Variants in KDM6A observed in about 807,000 individuals in gnomAD.
The protein encoded by KDM6A is lysine-specific demethylase 6A.
A neutral mutation model predicts 117.6 loss-of-function variants in KDM6A; 11 were observed. The ratio of observed to expected loss-of-function variants is 0.09; its 90% CI spans 0.06 to 0.15. The LOEUF is 0.15. Ranked by LOEUF, KDM6A falls within the 10% of genes least tolerant of loss-of-function variation. The probability of loss-of-function intolerance (pLI) is 1.00; values close to 1 mark genes in which losing one functional copy is unlikely to be tolerated. For synonymous variants in KDM6A, 384 were observed against 396.1 expected, an observed-to-expected ratio of 0.97 and a Z score of 0.36; for missense variants, 799 against 1,077.3, an observed-to-expected ratio of 0.74 and a Z score of 3.62.
intron 4 of KDM6A, among the ~76,000 whole-genome samples, chrX:44,998,333 G>A (rs1234788465): frequency 2.7e-5 from 3 of 111,679 alleles, no homozygotes; most frequent in Non-Finnish European, 5.6e-5. Flanking sequence ...GAGAAGAGGT[G>A]AGAGAGGAAA....
At chrX:44,961,586 A>C (rs183060470) in intron 3 of KDM6A, among the ~76,000 whole-genome samples, 194 bp downstream of exon 3, 2 of 112,109 alleles carry the variant, frequency 1.8e-5, no homozygotes, top group African/African-American at 6.5e-5. Flanking sequence ...AACCACCTGC[A>C]TGTTCAGTGC....
chrX:44,953,925 C>T (rs2147121406), intron 2 of KDM6A, among the ~76,000 whole-genome samples: 1 of 110,099 alleles, frequency 9.1e-6, no homozygotes, highest in African/African-American at 3.3e-5. Context: ...GGCGTGGTGG[C>T]GTGTGCCTGT....
At chrX:44,963,438 A>AGT (rs1491126998) in intron 3 of KDM6A, among the ~76,000 whole-genome samples, 6 of 65,602 alleles carry the variant, frequency 9.1e-5, no homozygotes, top group African/African-American at 5.1e-4. Flanking sequence ...CCAGGGTGAC[A>AGT]GAGTGTGTGT....
chrX:44,990,381 A>G (rs911312843), intron 4 of KDM6A, among the ~76,000 whole-genome samples: 3 of 110,028 alleles, frequency 2.7e-5, no homozygotes, highest in Non-Finnish European at 1.9e-5. Context: ...TCTACTAACA[A>G]TACAAAAAAT....
rs1193068050 is a variant in KDM6A, at chrX:44,988,222, C to T, written c.384+13507C>T. On this transcript the variant is annotated intron_variant, in intron 4 of 29. Transcript: ENST00000611820. ...AATCGGCTACTGAGGCTTGTGCATT[C>T]GTCACATAGTTCTCGTGCCTTGGTT... Among the ~76,000 whole-genome samples, 11 of 111,843 alleles carry T rather than the reference C, an allele frequency of 9.8e-5. No individual in the cohort carries two copies. In the East Asian group the frequency reaches 1.1e-3, roughly 11 times the overall value.
intron 2 of KDM6A, among the ~76,000 whole-genome samples, chrX:44,883,299 G>C (rs2032493336): frequency 9.1e-6 from 1 of 110,405 alleles, no homozygotes; most frequent in African/African-American, 3.3e-5. Flanking sequence ...TCTAACTCCT[G>C]GGCTCAAGGT....
intron 2 of KDM6A, among the ~76,000 whole-genome samples, chrX:44,940,456 T>A (rs1459807584): frequency 6.2e-5 from 7 of 112,074 alleles, no homozygotes; most frequent in Admixed American, 3.8e-4. Flanking sequence ...GCTGTCAAGC[T>A]CACAGTAGTG....
intron 2 of KDM6A, among the ~76,000 whole-genome samples, chrX:44,899,382 T>C (rs1304478120): frequency 9.2e-6 from 1 of 108,534 alleles, no homozygotes; most frequent in East Asian, 2.9e-4. Context: ...AGATTAGCTA[T>C]ATGCCCGGCT....
At chrX:44,926,513 G>A (rs777457562) in intron 2 of KDM6A, among the ~76,000 whole-genome samples, 1 of 111,496 alleles carries the variant, frequency 9.0e-6, no homozygotes, top group South Asian at 3.7e-4. Flanking sequence ...TCAGTCTTCT[G>A]TTAGTATAAT....
chrX:44,992,316 C>T (rs1406763725), intron 4 of KDM6A, among the ~76,000 whole-genome samples: 5 of 93,169 alleles, frequency 5.4e-5, no homozygotes, highest in Non-Finnish European at 1.0e-4. Context: ...CCTCTGCCTC[C>T]CGGGTTCAAG....
At position 44,901,362 on chromosome X, in the gene KDM6A, AT is replaced by A. The variant is rs1413191237; in HGVS notation, c.225+27376del. Among the ~76,000 whole-genome samples, 727 of 107,594 alleles carry A rather than the reference AT, an allele frequency of 6.8e-3. 5 individuals carry two copies. The highest frequency in any genetic ancestry group is 0.024 in the African/African-American group (697 of 29,571). The allele number at this position is 107,594 out of a possible 115,157, so 93.4% of individuals were successfully genotyped here. On this transcript the variant is annotated intron_variant, in intron 2 of 29. Transcript: ENST00000611820. ...CAGAGTGAGACTCCATCTCAAAAAAATATATATATATATATACGGGGACTTG... is the reference window on the plus strand; with the variant it reads ...CAGAGTGAGACTCCATCTCAAAAAAAATATATATATATATACGGGGACTTG...
intron 2 of KDM6A, among the ~76,000 whole-genome samples, chrX:44,899,224 CGTGTGTGTGTGTGTGTGTGTGT>C (rs572085670): frequency 2.0e-4 from 10 of 49,290 alleles, no homozygotes; most frequent in Non-Finnish European, 3.6e-4. Context: ...TGTGTGTATG[CGTGTGTGTGTGTGTGTGTGTGT>C]GTGTGTGTGT....
intron 27 of KDM6A, among the ~76,000 whole-genome samples, chrX:45,100,293 T>TTC (rs1226785428): frequency 1.8e-5 from 2 of 110,895 alleles, no homozygotes; most frequent in African/African-American, 6.6e-5. Flanking sequence ...ATAACAGGCT[T>TTC]TCAGAATAAA....
At chrX:45,001,766 C>T (rs774969475) in intron 4 of KDM6A, among the ~76,000 whole-genome samples, 3 of 111,451 alleles carry the variant, frequency 2.7e-5, no homozygotes, top group South Asian at 7.6e-4. Context: ...CTATGGCCCA[C>T]GACTCTTGAG....
intron 6 of KDM6A, among the ~76,000 whole-genome samples, chrX:45,031,566 A>C (rs1314222085): frequency 8.9e-6 from 1 of 112,052 alleles, no homozygotes; most frequent in Non-Finnish European, 1.9e-5. Context: ...GTTGCCTACA[A>C]CCCACTGAAT....
intron 28 of KDM6A, among the ~76,000 whole-genome samples, chrX:45,109,047 CA>C (rs1197466464): frequency 8.8e-4 from 91 of 103,066 alleles, no homozygotes; most frequent in Middle Eastern, 5.1e-3. Context: ...TGCAGCGCAC[CA>C]CCATGGCACA....
chrX:45,001,574 C>T (rs1421329343), intron 4 of KDM6A, among the ~76,000 whole-genome samples: 1 of 111,594 alleles, frequency 9.0e-6, no homozygotes, highest in East Asian at 2.8e-4. Flanking sequence ...CTGTCTTTGA[C>T]TTGGCAAGCA....
chrX:44,994,606 C>T (rs1390350045), intron 4 of KDM6A, among the ~76,000 whole-genome samples: 1 of 112,053 alleles, frequency 8.9e-6, no homozygotes, highest in Non-Finnish European at 1.9e-5. Context: ...TTTAGTGCCG[C>T]AAAAGAAATA....
intron 2 of KDM6A, among the ~76,000 whole-genome samples, chrX:44,947,663 A>G (rs1361681532): frequency 6.3e-5 from 7 of 111,726 alleles, no homozygotes; most frequent in Non-Finnish European, 1.3e-4. Flanking sequence ...GGTGTGAGCT[A>G]CCGCGCCCAG....
Sources: gnomAD v4.1 joint callset for allele counts (sites outside exome capture counted in the v4.1 genomes callset) on GRCh38, gnomAD v4.1.1 for gene constraint, MANE v1.5 for transcripts, NCBI Gene and HGNC (gene_info 2026-07-23, HGNC 2026-07-21) for gene names.